The following G3BP2 variants were observed in gnomAD, a reference collection of about 807,000 sequenced individuals.
G3BP2 encodes the protein G3BP stress granule assembly factor 2.
In G3BP2, 11 loss-of-function variants were observed where a neutral mutation model predicts 56.7. The ratio of observed to expected loss-of-function variants is 0.19; its 90% confidence interval spans 0.12 to 0.32. G3BP2 has a LOEUF of 0.32. Ranked by LOEUF, G3BP2 falls within the 10% of genes least tolerant of loss-of-function variation. The pLI is 1.00. For missense variants in G3BP2, 340 were observed against 610.9 expected (o/e 0.56, Z 4.67); for synonymous variants, 165 against 191.6 (o/e 0.86, Z 1.15).
At chr4:75,650,008 T>G (rs961237401) in intron 8 of G3BP2, among the ~76,000 whole-genome samples, 1 of 151,866 alleles carries the variant, frequency 6.6e-6, no homozygotes. Flanking sequence ...TGAAACTCCT[T>G]CTCACAGAAA....
intron 3 of G3BP2, among the ~76,000 whole-genome samples, chr4:75,689,806 A>G (rs755970054): frequency 7.9e-5 from 12 of 152,246 alleles, no homozygotes; most frequent in Non-Finnish European, 1.5e-4. Flanking sequence ...AATAATATGC[A>G]TAAATCCTAC....
chr4:75,645,295 T>C lies in G3BP2; in HGVS notation c.*135A>G. ...ATAATGTCCACCTCAATTTAACTGA[T>C]AACCAAAGATGCTTTTCACATCAAA... On this transcript the variant is annotated 3_prime_UTR_variant, in exon 12 of 12. Coordinates refer to ENST00000359707, the MANE Select transcript of G3BP2 (RefSeq NM_203505.3). The C allele has an allele frequency of 1.4e-6, 1 of 737,442 alleles. No homozygotes were observed. Among genetic ancestry groups the C allele is most frequent in the Admixed American group, 2.9e-5 (1 of 33,992 alleles). The allele number at this position is 737,442 out of a possible 1,614,324, so 45.7% of individuals were successfully genotyped here. A position where few individuals can be genotyped will look rare whatever the true frequency, so the allele number is the denominator to read the frequency against.
intron 2 of G3BP2, among the ~76,000 whole-genome samples, chr4:75,660,515 G>C (rs1732467862): frequency 6.6e-6 from 1 of 152,028 alleles, no homozygotes; most frequent in South Asian, 2.1e-4. Flanking sequence ...AATAGGTAGA[G>C]AGCTAATAAA....
chr4:75,705,051 T>C (rs2149100421), intron 3 of G3BP2, among the ~76,000 whole-genome samples: 1 of 152,322 alleles, frequency 6.6e-6, no homozygotes, highest in Non-Finnish European at 1.5e-5. Flanking sequence ...ATTTTTTTTT[T>C]AGTTCATCGG....
At chr4:75,678,894 T>A (rs2149063434) in intron 3 of G3BP2, among the ~76,000 whole-genome samples, 1 of 152,350 alleles carries the variant, frequency 6.6e-6, no homozygotes, top group East Asian at 1.9e-4. Context: ...TCAATAAACA[T>A]CGGCACTTAA....
Position 75,655,151 on chromosome 4 carries a change from T to C in G3BP2, c.641A>G (p.Glu214Gly), listed in dbSNP as rs1488900350. Residue 214 changes from glutamate to glycine, a missense_variant, in exon 7 of 12, where the codon GAG becomes GGG. Around this residue, in one of 4 missense-constraint regions of G3BP2, gnomAD observed 224 missense variants for 332.5 expected, o/e 0.67. Coordinates refer to ENST00000359707, the MANE Select transcript of G3BP2 (RefSeq NM_203505.3). ...CTCTAGTTCTTCTAAGTTCTTCTCC[T>C]CCACTTGTGGTTTCAGCTCTTCAGT... ...TKTEELKPQVEEKNLEELEEK... is the reference protein window; with the variant it reads ...TKTEELKPQVGEKNLEELEEK... The C allele has an allele frequency of 1.9e-6, 3 of 1,613,236 alleles. No homozygotes were observed. The Admixed American group carries it at 5.0e-5, about 27-fold the overall frequency.
rs182049316 is a variant in G3BP2 at position 75,681,303 on chromosome 4, G to A, written c.-24-19254C>T. On this transcript the variant is annotated intron_variant, in intron 3 of 3. Coordinates refer to the G3BP2 transcript ENST00000499709. ...CGTGCCACTGCACTCCAGCCTGGGC[G>A]AAAGAGCGAGACTCCGTCTCAAAAA... Among the ~76,000 whole-genome samples, 31 of 150,384 alleles carry A rather than the reference G, an allele frequency of 2.1e-4. No homozygotes were observed. In the East Asian group the frequency reaches 5.0e-3, roughly 24 times the overall value.
intron 3 of G3BP2, among the ~76,000 whole-genome samples, chr4:75,689,599 T>C (rs13116639): frequency 0.88 from 133,272 of 152,254 alleles, 58,358 homozygotes; most frequent in East Asian, 0.92. Flanking sequence ...ACCATTTGTT[T>C]TCAATGATGC....
intron 8 of G3BP2, 139 bp from the exon 9 acceptor site, chr4:75,648,880 G>A (rs1731449339): frequency 1.8e-6 from 1 of 547,736 alleles, no homozygotes; most frequent in South Asian, 2.5e-5. Context: ...TCCTATGTAT[G>A]AGAAAAATAA....
chr4:75,673,691 C>CAGTCTGGA, upstream of G3BP2: 1 of 1,131,182 alleles, frequency 8.8e-7, no homozygotes, highest in Non-Finnish European at 1.1e-6. Flanking sequence ...CCAGCCTTGC[C>CAGTCTGGA]GCCCTTCTTC....
chr4:75,693,500 GT>G (rs1718960257), intron 3 of G3BP2, among the ~76,000 whole-genome samples: 2 of 150,506 alleles, frequency 1.3e-5, no homozygotes, highest in Admixed American at 6.6e-5. Flanking sequence ...TTTTTTAAGA[GT>G]TGGAGTCTGC....
At chr4:75,656,436 T>A (rs1732123143) in intron 5 of G3BP2, among the ~76,000 whole-genome samples, 1 of 152,160 alleles carries the variant, frequency 6.6e-6, no homozygotes, top group African/African-American at 2.4e-5. Flanking sequence ...AAAAGTTATA[T>A]TAAAGCCACA....
intron 3 of G3BP2, among the ~76,000 whole-genome samples, chr4:75,681,888 A>T (rs999765498): frequency 6.6e-6 from 1 of 151,978 alleles, no homozygotes; most frequent in Non-Finnish European, 1.5e-5. Context: ...ATATGCCAGC[A>T]TCACTACTCT....
chr4:75,718,296 G>GA, intron 3 of G3BP2, among the ~76,000 whole-genome samples: 1 of 149,466 alleles, frequency 6.7e-6, no homozygotes, highest in East Asian at 2.0e-4. Flanking sequence ...CTTAAAAATG[G>GA]AAACACACCT....
upstream of G3BP2, among the ~76,000 whole-genome samples, chr4:75,677,535 C>T (rs982413680): frequency 2.6e-5 from 4 of 151,798 alleles, no homozygotes; most frequent in African/African-American, 9.7e-5. Context: ...CGCACCACTT[C>T]ACTCCAGCCT....
chr4:75,668,217 G>A (rs898158264), intron 1 of G3BP2, among the ~76,000 whole-genome samples: 1 of 152,144 alleles, frequency 6.6e-6, no homozygotes, highest in Non-Finnish European at 1.5e-5. Flanking sequence ...AAGTCACATT[G>A]AGCTTCATTA....
At chr4:75,676,588 C>T (rs554785060), upstream of G3BP2, among the ~76,000 whole-genome samples, 17 of 152,242 alleles carry the variant, frequency 1.1e-4, no homozygotes, top group South Asian at 2.1e-3. Flanking sequence ...AGTGATCCAC[C>T]CACTTCGCCG....
intron 1 of G3BP2, among the ~76,000 whole-genome samples, chr4:75,666,713 A>G (rs1733066417): frequency 6.6e-6 from 1 of 152,224 alleles, no homozygotes; most frequent in African/African-American, 2.4e-5. Context: ...AAGCCAAATT[A>G]CACTTTCAGA....
At chr4:75,695,898 T>A (rs750703066) in intron 3 of G3BP2, among the ~76,000 whole-genome samples, 2 of 146,152 alleles carry the variant, frequency 1.4e-5, no homozygotes, top group Non-Finnish European at 3.0e-5. Context: ...CGCTTGAACC[T>A]GGGAGGCAGA....
Sources: gnomAD v4.1 joint callset for allele counts (sites outside exome capture counted in the v4.1 genomes callset) on GRCh38, gnomAD v4.1.1 for gene constraint, gnomAD v4.1.1 regional missense constraint, MANE v1.5 for transcripts, NCBI Gene and HGNC (gene_info 2026-07-23, HGNC 2026-07-21) for gene names.